Variants in TNS1 observed in about 807,000 individuals in gnomAD.
TNS1 encodes tensin 1.
Under a neutral mutation model 168.6 loss-of-function variants are expected in TNS1, and 62 were observed. The observed-to-expected ratio is 0.37, with a 90% CI of 0.30 to 0.45. The LOEUF (loss-of-function observed/expected upper bound fraction) is 0.45. Among genes scored for constraint, TNS1 ranks in the 20% least tolerant of loss-of-function variants. The pLI is 1.00. For synonymous variants in TNS1, 934 were observed against 933.2 expected (o/e 1.00, Z -0.02); for missense variants, 2,240 against 2,339.4 (o/e 0.96, Z 0.88).
chr2:217,809,374 T>G, intron 30 of TNS1, among the ~76,000 whole-genome samples: 2 of 92,248 alleles, frequency 2.2e-5, no homozygotes, highest in Non-Finnish European at 4.7e-5. Context: ...GATGGATGGA[T>G]GCATGGATGG....
chr2:217,898,847 C>T (rs1001469949), intron 7 of TNS1, among the ~76,000 whole-genome samples: 1 of 152,204 alleles, frequency 6.6e-6, no homozygotes, highest in African/African-American at 2.4e-5. Context: ...AACTTTTCTT[C>T]CAGAGGAAGG....
Position 217,897,876 on chromosome 2 carries a change from T to G in TNS1, c.465A>C (p.Thr155=), listed in dbSNP as rs1952489034. 1 of 1,613,584 alleles carries G rather than the reference T, an allele frequency of 6.2e-7. No individual in the cohort carries two copies. Among genetic ancestry groups the G allele is most frequent in the African/African-American group, 1.3e-5 (1 of 74,902 alleles). The part of the protein sequence containing the change: ...ERIIAVSFPS[T]ANEENFRSNL... Reference sequence around the variant, plus strand: ...TGCTCCGGAAGTTCTCCTCATTGGCTGTGCTGGGGAAGGAGACAGCGATGA... The same window carrying G: ...TGCTCCGGAAGTTCTCCTCATTGGCGGTGCTGGGGAAGGAGACAGCGATGA... The change falls in exon 8 of 33, where the codon ACA becomes ACC. Residue 155 remains threonine, a synonymous_variant. Coordinates refer to ENST00000682258, the MANE Select transcript of TNS1 (RefSeq NM_001387777.1).
At chr2:217,815,132 T>A in intron 24 of TNS1, 134 bp from the exon 25 acceptor site, 1 of 683,936 alleles carries the variant, frequency 1.5e-6, no homozygotes, top group South Asian at 1.7e-5. Flanking sequence ...GTAGACAAAT[T>A]AAGATGAGGT....
At chr2:217,983,366 C>T (rs1010232305) in intron 2 of TNS1, among the ~76,000 whole-genome samples, 2 of 152,208 alleles carry the variant, frequency 1.3e-5, no homozygotes, top group Non-Finnish European at 2.9e-5. Context: ...TGACCCTGTC[C>T]AACCGGAGCT....
chr2:217,895,100 G>T, intron 8 of TNS1, 44 bp from the exon 9 acceptor site: 1 of 1,572,268 alleles, frequency 6.4e-7, no homozygotes, highest in South Asian at 1.2e-5. Flanking sequence ...GTGAGGGTGA[G>T]GAGGGCGGCG....
At position 217,831,073 on chromosome 2, in the gene TNS1, C is replaced by CTG. The variant is rs752142828; in HGVS notation, c.3373+381_3373+382insCA. On this transcript the variant is annotated intron_variant, in intron 22 of 32. Coordinates refer to ENST00000682258, the MANE Select transcript of TNS1 (RefSeq NM_001387777.1). ...GCAGCAGGGGCATGCTTCTCTGACT[C>CTG]TATGTGTGTGTGTGTACATGTGTGT... 4.0e-4 allele frequency among the ~76,000 whole-genome samples: 61 copies of CTG among 151,664 alleles called. 1 individual carries two copies. Among genetic ancestry groups the CTG allele is most frequent in the Middle Eastern group, 3.5e-3 (1 of 284 alleles).
chr2:217,905,273 C>T (rs891153660), intron 6 of TNS1: 11 of 345,922 alleles, frequency 3.2e-5, no homozygotes, highest in South Asian at 1.1e-4. Flanking sequence ...GAGTACCCCA[C>T]GCCCAGGGGA....
chr2:217,996,408 C>A (rs11685354), intron 1 of TNS1, among the ~76,000 whole-genome samples: 35,849 of 152,006 alleles, frequency 0.24, 4,632 homozygotes, highest in East Asian at 0.45. Flanking sequence ...AGGCTCAGAT[C>A]CCCAGTGGGG....
chr2:217,935,985 C>T (rs80011966), intron 3 of TNS1, among the ~76,000 whole-genome samples: 7 of 152,308 alleles, frequency 4.6e-5, no homozygotes, highest in Middle Eastern at 3.4e-3. Flanking sequence ...AGGAAATAAA[C>T]GCTGCTGAAA....
intron 22 of TNS1, among the ~76,000 whole-genome samples, chr2:217,828,340 A>G (rs928062793): frequency 1.1e-4 from 17 of 152,218 alleles, no homozygotes; most frequent in African/African-American, 3.6e-4. Flanking sequence ...GGGTGACAGC[A>G]GATTTAGAGG....
chr2:218,027,981 A>G (rs1958863816), intron 1 of TNS1, among the ~76,000 whole-genome samples: 1 of 152,204 alleles, frequency 6.6e-6, no homozygotes, highest in Non-Finnish European at 1.5e-5. Flanking sequence ...TGGGTAAAGT[A>G]GGATTTGGTG....
At chr2:217,974,335 T>C (rs1276752251) in intron 3 of TNS1, among the ~76,000 whole-genome samples, 2 of 152,076 alleles carry the variant, frequency 1.3e-5, no homozygotes, top group Admixed American at 1.3e-4. Context: ...GATAGGAAGG[T>C]TTTTGGGAGG....
chr2:217,832,096 C>T (rs759602884), intron 21 of TNS1, among the ~76,000 whole-genome samples: 7 of 152,304 alleles, frequency 4.6e-5, no homozygotes, highest in South Asian at 4.1e-4. Context: ...GCCAGAGCCA[C>T]GCCAACCCTG....
chr2:217,980,477 C>A (rs1042890871), intron 2 of TNS1, among the ~76,000 whole-genome samples: 2 of 148,948 alleles, frequency 1.3e-5, no homozygotes, highest in Non-Finnish European at 3.0e-5. Flanking sequence ...TCCAGGGGGA[C>A]CTGCCTCTCT....
At chr2:217,925,188 C>G (rs1175705246) in intron 3 of TNS1, among the ~76,000 whole-genome samples, 1 of 152,160 alleles carries the variant, frequency 6.6e-6, no homozygotes, top group Non-Finnish European at 1.5e-5. Context: ...TTTCTCAAAC[C>G]AAACCCCTTT....
chr2:217,919,837 G>A (rs1318057523), intron 4 of TNS1, among the ~76,000 whole-genome samples: 1 of 152,202 alleles, frequency 6.6e-6, no homozygotes, highest in Non-Finnish European at 1.5e-5. Flanking sequence ...CCAGCCCCAG[G>A]GTGCCTGACC....
chr2:217,867,340 A>G (rs78030813), intron 18 of TNS1, among the ~76,000 whole-genome samples: 2,126 of 152,328 alleles, frequency 0.014, 33 homozygotes, highest in African/African-American at 0.048. Context: ...AATTTGTCCT[A>G]TAGATAGACT....
Position 217,848,296 on chromosome 2 carries a change from T to C in TNS1, c.2221A>G (p.Met741Val). ...TSHYAHDPSG[M>V]FRSQSFSEAE... ...TCCGAAAAGGATTGAGAGCGGAACA[T>C]ACCGCTGGGGTCATGGGCATAGTGG... is the stretch of plus-strand genomic sequence containing the variant. Residue 741 changes from methionine to valine, a missense_variant, in exon 19 of 33, where the codon ATG becomes GTG. Met to Val is a conservative substitution (Grantham distance 21). Around this residue, in one of 2 missense-constraint regions of TNS1, gnomAD observed 2,131 missense variants for 2,171.2 expected, o/e 0.98. Coordinates refer to ENST00000682258, the MANE Select transcript of TNS1 (RefSeq NM_001387777.1). 1.3e-6 allele frequency: 2 copies of C among 1,545,656 alleles called. No individual in the cohort carries two copies. Among genetic ancestry groups the C allele is most frequent in the Non-Finnish European group, 8.7e-7 (1 of 1,145,026 alleles).
intron 18 of TNS1, among the ~76,000 whole-genome samples, chr2:217,856,380 C>A (rs1948139286): frequency 6.6e-6 from 1 of 152,194 alleles, no homozygotes; most frequent in East Asian, 1.9e-4. Flanking sequence ...GCAGGGACTT[C>A]CTGGGGCTCA....
Sources: allele counts gnomAD v4.1 joint callset (sites outside exome capture counted in the v4.1 genomes callset), GRCh38; gene constraint gnomAD v4.1.1; regional missense constraint gnomAD v4.1.1; transcripts MANE v1.5; gene names NCBI Gene and HGNC (gene_info 2026-07-23, HGNC 2026-07-21).